The following DEFB116 variants were observed in gnomAD, a reference collection of about 807,000 sequenced individuals.
DEFB116 encodes defensin beta 116, also known as beta-defensin 116.
A neutral mutation model predicts 2.8 loss-of-function variants in DEFB116; 5 were observed. That is an observed-to-expected ratio of 1.80 (90% confidence interval 0.94 to 3.79). The LOEUF is 3.79. Among genes scored for constraint, DEFB116 ranks in the 30% most tolerant of loss-of-function variants. DEFB116 has a pLI of 0.00. For synonymous variants in DEFB116, 56 were observed against 40.8 expected (o/e 1.37, Z -1.42); for missense variants, 170 against 118.0 (o/e 1.44, Z -2.04).
Position 31,303,457 on chromosome 20 carries a change from G to A in DEFB116, c.68-4C>T, listed in dbSNP as rs772586467. The stretch of plus-strand genomic sequence containing the variant: ...TTGTGGGATCTGAACAGGCCACCTG[G>A]GAAAGACATGGCCATGTTTAGTTTC... On this transcript the variant is annotated splice_polypyrimidine_tract_variant and splice_region_variant and intron_variant, in intron 1 of 1. Coordinates refer to ENST00000400549, the MANE Select transcript of DEFB116 (RefSeq NM_001037731.1). The A allele has an allele frequency of 6.2e-7, 1 of 1,612,782 alleles. No homozygotes were observed. The highest frequency in any genetic ancestry group is 8.5e-7 in the Non-Finnish European group (1 of 1,179,310).
chr20:31,305,956 G>A (rs6089180), intron 1 of DEFB116, among the ~76,000 whole-genome samples: 1,700 of 152,154 alleles, frequency 0.011, 25 homozygotes, highest in African/African-American at 0.039. Flanking sequence ...TGAAAGCCAC[G>A]ATTCTGCCTA....
intron 1 of DEFB116, among the ~76,000 whole-genome samples, chr20:31,307,342 A>G (rs557113527): frequency 3.9e-4 from 59 of 152,298 alleles, no homozygotes; most frequent in Non-Finnish European, 5.6e-4. Flanking sequence ...CAATAAATGT[A>G]TTGGGAAAAC....
In DEFB116 at chr20:31,303,230, T is replaced by A. The variant is rs374834218; in HGVS notation, c.291A>T (p.Ser97=). 1.1e-5 allele frequency: 18 copies of A among 1,613,350 alleles called. No homozygotes were observed. In the African/African-American group the frequency reaches 2.1e-4, roughly 19 times the overall value. The change falls in exon 2 of 2, where the codon TCA becomes TCT. Residue 97 remains serine (S), a synonymous_variant. Transcript: ENST00000400549. ...SNSNLSVTNS[S]SYSHI ...GTGATATTCAAATGTGAGAGTAGCT[T>A]GAACTGTTTGTAACTGACAAGTTGG... is the stretch of plus-strand genomic sequence containing the variant.
At chr20:31,303,740 G>T (rs1984935012) in intron 1 of DEFB116, among the ~76,000 whole-genome samples, 1 of 152,076 alleles carries the variant, frequency 6.6e-6, no homozygotes. Flanking sequence ...TTTCAAAAAA[G>T]CATCTGGCAC....
chr20:31,303,589 G>C (rs962507670), intron 1 of DEFB116, 136 bp from the exon 2 acceptor site: 13 of 1,278,230 alleles, frequency 1.0e-5, no homozygotes, highest in Non-Finnish European at 1.3e-5. Context: ...TCAAATCTGG[G>C]CTCTGCCATT....
At chr20:31,304,543 G>T (rs942877383) in intron 1 of DEFB116, among the ~76,000 whole-genome samples, 8 of 152,040 alleles carry the variant, frequency 5.3e-5, no homozygotes, top group African/African-American at 1.9e-4. Context: ...GATCAAGCCA[G>T]TATTCAATTT....
chr20:31,306,980 C>A (rs940752006), intron 1 of DEFB116, among the ~76,000 whole-genome samples: 1 of 152,098 alleles, frequency 6.6e-6, no homozygotes, highest in African/African-American at 2.4e-5. Flanking sequence ...GGATATTTTT[C>A]ATCCAGTGTT....
intron 1 of DEFB116, among the ~76,000 whole-genome samples, chr20:31,306,995 C>T (rs190626844): frequency 2.0e-5 from 3 of 152,186 alleles, no homozygotes; most frequent in Admixed American, 1.3e-4. Flanking sequence ...AGTGTTTATT[C>T]TCCCCATTTC....
intron 1 of DEFB116, among the ~76,000 whole-genome samples, chr20:31,307,773 T>C (rs1248208762): frequency 6.6e-6 from 1 of 152,000 alleles, no homozygotes; most frequent in Admixed American, 6.6e-5. Context: ...GCTAAGTCAA[T>C]CCCTGCCCAG....
chr20:31,303,523 G>A, intron 1 of DEFB116, 70 bp from the exon 2 acceptor site: 1 of 1,578,382 alleles, frequency 6.3e-7, no homozygotes. Flanking sequence ...ATGATTTAAA[G>A]GAACACGCCC....
intron 1 of DEFB116, among the ~76,000 whole-genome samples, chr20:31,305,073 C>T (rs1984963684): frequency 1.3e-5 from 2 of 151,958 alleles, no homozygotes. Context: ...ACTGCTCCAA[C>T]ATCAACCAGC....
chr20:31,303,219 T>A lies in DEFB116; in HGVS notation c.302A>T (p.His101Leu), dbSNP rs976767076. 18 of 1,613,002 alleles carry A rather than the reference T, an allele frequency of 1.1e-5. No individual in the cohort carries two copies. The African/African-American group carries it at 2.3e-4, about 20-fold the overall frequency. Residue 101 changes from histidine to leucine, a missense_variant, in exon 2 of 2, where the codon CAC becomes CTC. By Grantham distance (99) the His-to-Leu change is moderately conservative (BLOSUM62 -3). Transcript: ENST00000400549. The part of the protein sequence containing the change: ...LSVTNSSSYS[H>L]I ...AGGAGACGTTGGTGATATTCAAATGTGAGAGTAGCTTGAACTGTTTGTAAC... is the reference window on the plus strand; with the variant it reads ...AGGAGACGTTGGTGATATTCAAATGAGAGAGTAGCTTGAACTGTTTGTAAC...
intron 1 of DEFB116, among the ~76,000 whole-genome samples, chr20:31,304,701 C>T (rs1356427060): frequency 6.6e-6 from 1 of 152,026 alleles, no homozygotes; most frequent in Non-Finnish European, 1.5e-5. Context: ...AAATCCTTAG[C>T]TTGGCATTCA....
rs774618715 is a variant in DEFB116 at position 31,303,431 on chromosome 20, A to G, written c.90T>C (p.Asn30=). The change falls in exon 2 of 2, where the codon AAT becomes AAC. Residue 30 remains asparagine, a synonymous_variant. Transcript: ENST00000400549. ...GATTCCAAGGCTCTCGGCTCTTGCC[A>G]TTGTGGGATCTGAACAGGCCACCTG... is the stretch of plus-strand genomic sequence containing the variant. ...KTPGGLFRSH[N]GKSREPWNPC... is the part of the protein sequence containing the mutation. 3.2e-5 allele frequency: 51 copies of G among 1,613,192 alleles called. No individual in the cohort carries two copies. Among genetic ancestry groups the G allele is most frequent in the Non-Finnish European group, 4.0e-5 (47 of 1,179,502 alleles).
rs1329388039 is a variant in DEFB116 at position 31,303,270 on chromosome 20, T to G, written c.251A>C (p.Asp84Ala). Residue 84 changes from aspartate (D) to alanine (A), a missense_variant, in exon 2 of 2, where the codon GAT (aspartate) becomes GCT (alanine). Coordinates refer to ENST00000400549, the MANE Select transcript of DEFB116 (RefSeq NM_001037731.1). ...TGACAAGTTGGAGTTAGAGTCGTAA[T>G]CCTCCTTCACATTTTTAGAACTGGT... The part of the protein sequence containing the change: ...KITSSKNVKE[D>A]YDSNSNLSVT... The G allele has an allele frequency of 3.1e-6, 5 of 1,613,494 alleles. No homozygotes were observed. The highest frequency in any genetic ancestry group is 4.2e-6 in the Non-Finnish European group (5 of 1,179,604).
chr20:31,303,257 G>C lies in DEFB116; in HGVS notation c.264C>G (p.Asn88Lys), dbSNP rs1177096914. 3.7e-6 allele frequency: 6 copies of C among 1,613,446 alleles called. No individual in the cohort carries two copies. Among genetic ancestry groups the C allele is most frequent in the Non-Finnish European group, 5.1e-6 (6 of 1,179,576 alleles). ...SKNVKEDYDSNSNLSVTNSSS... is the reference protein window; with the variant it reads ...SKNVKEDYDSKSNLSVTNSSS... ...AACTGTTTGTAACTGACAAGTTGGAGTTAGAGTCGTAATCCTCCTTCACAT... is the reference window on the plus strand; with the variant it reads ...AACTGTTTGTAACTGACAAGTTGGACTTAGAGTCGTAATCCTCCTTCACAT... Residue 88 changes from asparagine (N) to lysine (K), a missense_variant, in exon 2 of 2, where the codon AAC becomes AAG. Asn to Lys is a moderately conservative substitution (Grantham distance 94). Coordinates refer to ENST00000400549, the MANE Select transcript of DEFB116 (RefSeq NM_001037731.1).
intron 1 of DEFB116, among the ~76,000 whole-genome samples, chr20:31,305,472 T>C (rs1347996403): frequency 6.6e-6 from 1 of 152,122 alleles, no homozygotes; most frequent in Non-Finnish European, 1.5e-5. Context: ...TACAGTGATT[T>C]AAATAAATTT....
At chr20:31,306,894 CA>C (rs1985002009) in intron 1 of DEFB116, among the ~76,000 whole-genome samples, 1 of 152,098 alleles carries the variant, frequency 6.6e-6, no homozygotes, top group Non-Finnish European at 1.5e-5. Flanking sequence ...CAGCCATCTA[CA>C]GTCACATCTA....
At chr20:31,307,697 A>G (rs1349100199) in intron 1 of DEFB116, among the ~76,000 whole-genome samples, 2 of 152,148 alleles carry the variant, frequency 1.3e-5, no homozygotes, top group African/African-American at 4.8e-5. Context: ...TCCTTATTTC[A>G]ATAGCCACAA....
Sources: allele counts gnomAD v4.1 joint callset (sites outside exome capture counted in the v4.1 genomes callset), GRCh38; gene constraint gnomAD v4.1.1; transcripts MANE v1.5; gene names NCBI Gene and HGNC (gene_info 2026-07-23, HGNC 2026-07-21).